Variants in XPO4 observed in about 807,000 individuals in gnomAD.
XPO4 encodes the protein exportin-4.
XPO4 carries 39 observed loss-of-function variants against 143.0 expected under a neutral mutation model. The ratio of observed to expected loss-of-function variants is 0.27; its 90% CI spans 0.21 to 0.36. The LOEUF (loss-of-function observed/expected upper bound fraction) is 0.36, where lower values mean the gene tolerates loss of function less well. Among genes scored for constraint, XPO4 ranks in the 10% least tolerant of loss-of-function variants. The pLI is 1.00. For synonymous variants in XPO4, 439 were observed against 474.0 expected (o/e 0.93, Z 0.96); for missense variants, 907 against 1,348.0 (o/e 0.67, Z 5.12).
At chr13:20,878,721 AG>A (rs1464672808) in intron 1 of XPO4, among the ~76,000 whole-genome samples, 2 of 152,226 alleles carry the variant, frequency 1.3e-5, no homozygotes, top group Non-Finnish European at 2.9e-5. Context: ...TCGACGAGGC[AG>A]GGAACAGTGT....
At chr13:20,849,806 T>A (rs893627186) in intron 4 of XPO4, 29 of 985,184 alleles carry the variant, frequency 2.9e-5, no homozygotes, top group Non-Finnish European at 3.4e-5. Context: ...CTATATTTTT[T>A]AAAAATACAC....
chr13:20,902,014 T>C (rs1161927691), intron 1 of XPO4: 3 of 916,962 alleles, frequency 3.3e-6, no homozygotes, highest in East Asian at 2.3e-4. Context: ...AGTGTAAGCA[T>C]GAAGTCAAAG....
At chr13:20,879,974 A>G (rs1182587807) in intron 1 of XPO4, among the ~76,000 whole-genome samples, 1 of 152,252 alleles carries the variant, frequency 6.6e-6, no homozygotes, top group Non-Finnish European at 1.5e-5. Context: ...AAGATGTCCA[A>G]CATACCAAAT....
chr13:20,848,164 T>C (rs2060046139), intron 4 of XPO4: 1 of 875,098 alleles, frequency 1.1e-6, no homozygotes, highest in South Asian at 5.3e-5. Flanking sequence ...CACTAACAGG[T>C]AGTTCTAAAT....
At chr13:20,809,669 T>G (rs2059552573) in intron 10 of XPO4, 122 bp downstream of exon 10, 1 of 1,125,958 alleles carries the variant, frequency 8.9e-7, no homozygotes, top group Non-Finnish European at 1.2e-6. Flanking sequence ...AGGCCACTTT[T>G]GCTCCCAGCA....
At chr13:20,816,154 G>A (rs1285423482) in intron 9 of XPO4, among the ~76,000 whole-genome samples, 6 of 152,004 alleles carry the variant, frequency 3.9e-5, no homozygotes, top group South Asian at 2.1e-4. Context: ...CAATCCCCAC[G>A]TCTAACAACA....
chr13:20,797,406 C>T (rs144564915), intron 16 of XPO4, among the ~76,000 whole-genome samples: 268 of 152,224 alleles, frequency 1.8e-3, no homozygotes, highest in African/African-American at 5.7e-3. Flanking sequence ...TGCAGCTTGC[C>T]GACCTCTACA....
intron 2 of XPO4, among the ~76,000 whole-genome samples, chr13:20,866,728 C>G (rs1343493456): frequency 6.6e-6 from 1 of 152,174 alleles, no homozygotes; most frequent in Non-Finnish European, 1.5e-5. Context: ...CAATACTACT[C>G]TTTAGAAAAT....
At chr13:20,873,470 T>C (rs966693531) in intron 1 of XPO4, among the ~76,000 whole-genome samples, 2 of 152,194 alleles carry the variant, frequency 1.3e-5, no homozygotes, top group Non-Finnish European at 2.9e-5. Context: ...CCTGTCCTTA[T>C]GGAATTCTAT....
At chr13:20,834,583 T>G (rs1176643242) in intron 6 of XPO4, among the ~76,000 whole-genome samples, 3 of 150,546 alleles carry the variant, frequency 2.0e-5, no homozygotes, top group Non-Finnish European at 4.4e-5. Flanking sequence ...AAAAAAAAAA[T>G]GTACTTAGAA....
chr13:20,808,556 G>A lies in XPO4; in HGVS notation c.1519C>T (p.Leu507Phe), dbSNP rs2059536589. ...TGATGTCGTTGTAACTGACCATGGAGTCTTGTTACTCTTTCTTCTAATAAA... is the reference window on the plus strand; with the variant it reads ...TGATGTCGTTGTAACTGACCATGGAATCTTGTTACTCTTTCTTCTAATAAA... The part of the protein sequence containing the change: ...TSLLEERVTR[L>F]HGQLQRHQQQ... The change falls in exon 12 of 23, where the codon CTC becomes TTC. Residue 507 changes from leucine (L) to phenylalanine (F), a missense_variant. Leu to Phe is a conservative substitution (Grantham distance 22). Coordinates refer to ENST00000255305, the MANE Select transcript of XPO4 (RefSeq NM_022459.5). The A allele has an allele frequency of 6.5e-7, 1 of 1,544,296 alleles. No individual in the cohort carries two copies. Among genetic ancestry groups the A allele is most frequent in the Non-Finnish European group, 8.8e-7 (1 of 1,130,984 alleles).
chr13:20,900,135 C>T (rs2060606131), intron 1 of XPO4, among the ~76,000 whole-genome samples: 1 of 152,182 alleles, frequency 6.6e-6, no homozygotes, highest in Non-Finnish European at 1.5e-5. Flanking sequence ...GCCTGTAATC[C>T]AAGCACTTTG....
chr13:20,863,391 A>T (rs1463801548), intron 2 of XPO4, among the ~76,000 whole-genome samples: 1 of 152,176 alleles, frequency 6.6e-6, no homozygotes, highest in South Asian at 2.1e-4. Context: ...CAAAATATAA[A>T]AAACAATATA....
intron 4 of XPO4, among the ~76,000 whole-genome samples, chr13:20,844,546 C>CT (rs1367113179): frequency 3.9e-5 from 6 of 152,118 alleles, no homozygotes; most frequent in Non-Finnish European, 7.4e-5. Flanking sequence ...ATTTTGGCAA[C>CT]TTTCCAGGAG....
At position 20,843,925 on chromosome 13, in the gene XPO4, T is replaced by G. The variant is rs376848540; in HGVS notation, c.457-39A>C. The G allele has an allele frequency of 1.3e-5, 19 of 1,456,694 alleles. No homozygotes were observed. The African/African-American group carries it at 2.1e-4, about 16-fold the overall frequency. 90.2% of individuals were successfully genotyped at this position (1,456,694 alleles called of 1,614,324 possible). On this transcript the variant is annotated intron_variant, in intron 4 of 22. Coordinates refer to ENST00000255305, the MANE Select transcript of XPO4 (RefSeq NM_022459.5). ...ATAAGAAATAATTGTGAGGCATTAC[T>G]GTTTCAACGCTTTGTTTCAATGCAT...
intron 9 of XPO4, among the ~76,000 whole-genome samples, chr13:20,817,505 T>C (rs2059664659): frequency 6.6e-6 from 1 of 152,222 alleles, no homozygotes; most frequent in Admixed American, 6.5e-5. Context: ...GTTCTTCCTT[T>C]ATAAATTGTT....
chr13:20,812,033 TA>T (rs1365691157), intron 9 of XPO4, among the ~76,000 whole-genome samples: 2 of 152,188 alleles, frequency 1.3e-5, no homozygotes, highest in Non-Finnish European at 2.9e-5. Context: ...TATTTATTTT[TA>T]AAGTTGAAAA....
chr13:20,807,139 C>T (rs1029291731), intron 13 of XPO4, among the ~76,000 whole-genome samples: 19 of 152,260 alleles, frequency 1.2e-4, no homozygotes, highest in Middle Eastern at 3.4e-3. Context: ...CGCCTGCATG[C>T]ATCAGTATTG....
chr13:20,852,254 T>C, intron 4 of XPO4: 1 of 985,448 alleles, frequency 1.0e-6, no homozygotes. Context: ...TGGACTCCTT[T>C]ACTGCACACT....
Sources: gnomAD v4.1 joint callset for allele counts (sites outside exome capture counted in the v4.1 genomes callset) on GRCh38, gnomAD v4.1.1 for gene constraint, MANE v1.5 for transcripts, NCBI Gene and HGNC (gene_info 2026-07-23, HGNC 2026-07-21) for gene names.